CHSY3: variants seen among roughly 807,000 people sequenced by gnomAD.
CHSY3 encodes chondroitin sulfate synthase 3.
CHSY3 carries 35 observed loss-of-function variants against 67.2 expected under a neutral mutation model. That is an observed-to-expected ratio of 0.52 (90% confidence interval 0.40 to 0.69). The LOEUF is 0.69. Ranked by LOEUF, CHSY3 falls within the 30% of genes least tolerant of loss-of-function variation. CHSY3 has a pLI of 0.00. For synonymous variants in CHSY3, 474 were observed against 434.7 expected, an observed-to-expected ratio of 1.09 and a Z score of -1.12; for missense variants, 1,069 against 1,138.5, an observed-to-expected ratio of 0.94 and a Z score of 0.88.
At chr5:129,940,299 T>C (rs1041753375) in intron 2 of CHSY3, among the ~76,000 whole-genome samples, 2 of 152,192 alleles carry the variant, frequency 1.3e-5, no homozygotes, top group African/African-American at 4.8e-5. Context: ...ATTCTGATTA[T>C]TGAGTTAAGA....
intron 2 of CHSY3, chr5:130,052,118 T>C (rs1765379294): frequency 2.0e-5 from 3 of 152,314 alleles, no homozygotes; most frequent in Non-Finnish European, 4.4e-5. Context: ...CACACTGCCA[T>C]AGATGGTCAT....
At chr5:130,115,270 AT>A (rs1310874184) in intron 2 of CHSY3, among the ~76,000 whole-genome samples, 2 of 152,106 alleles carry the variant, frequency 1.3e-5, no homozygotes, top group Non-Finnish European at 2.9e-5. Flanking sequence ...TACAGAGAAC[AT>A]AATCATCTTG....
intron 2 of CHSY3, among the ~76,000 whole-genome samples, chr5:130,124,863 TA>T (rs942730026): frequency 1.2e-4 from 19 of 152,230 alleles, no homozygotes; most frequent in African/African-American, 4.8e-5. Context: ...AAAAAAGAGT[TA>T]AAAAAATGCA....
At chr5:130,085,017 C>A (rs1359429582) in intron 2 of CHSY3, among the ~76,000 whole-genome samples, 1 of 151,952 alleles carries the variant, frequency 6.6e-6, no homozygotes, top group Non-Finnish European at 1.5e-5. Flanking sequence ...CGCTGGTCAG[C>A]TATACCTGAA....
intron 2 of CHSY3, among the ~76,000 whole-genome samples, chr5:130,166,735 T>C (rs894194757): frequency 6.6e-6 from 1 of 152,124 alleles, no homozygotes; most frequent in Non-Finnish European, 1.5e-5. Flanking sequence ...TTATTTTAAT[T>C]GGATGTTTAG....
chr5:130,185,218 G>A lies in CHSY3; in HGVS notation c.2076G>A (p.Lys692=). 2 of 1,609,100 alleles carry A rather than the reference G, an allele frequency of 1.2e-6. No individual in the cohort carries two copies. The highest frequency in any genetic ancestry group is 1.7e-6 in the Non-Finnish European group (2 of 1,175,468). Residue 692 remains lysine, a synonymous_variant, in exon 3 of 3, where the codon AAG becomes AAA. Transcript: ENST00000305031. ...CAGAAATGACCCTGATCCCAATGAA[G>A]GGAGAGTTTTCCAGAGGTCTTGGTC... ...PKAEMTLIPM[K]GEFSRGLGLE...
rs1169761981 is a variant in CHSY3 at position 130,185,354 on chromosome 5, G to A, written c.2212G>A (p.Gly738Arg). ...ACGATGTAGAGACAATACAATTCAG[G>A]GACAACAGGTGTACTATCCCATCAT... is the stretch of plus-strand genomic sequence containing the variant. Reference protein sequence around the residue: ...LQRCRDNTIQGQQVYYPIIFS... With the variant: ...LQRCRDNTIQRQQVYYPIIFS... The change falls in exon 3 of 3, where the codon GGA becomes AGA. Residue 738 changes from glycine to arginine, a missense_variant. By Grantham distance (125) the Gly-to-Arg change is moderately radical. Coordinates refer to ENST00000305031, the MANE Select transcript of CHSY3 (RefSeq NM_175856.5). The A allele has an allele frequency of 1.2e-6, 2 of 1,607,032 alleles. No homozygotes were observed. The highest frequency in any genetic ancestry group is 3.3e-5 in the Admixed American group (2 of 60,014).
intron 2 of CHSY3, among the ~76,000 whole-genome samples, chr5:130,086,096 G>T (rs1355608481): frequency 2.6e-5 from 4 of 152,134 alleles, no homozygotes; most frequent in Admixed American, 6.5e-5. Flanking sequence ...GTTGATTTGG[G>T]GTGGAGAGTT....
chr5:130,034,944 T>A (rs1305713472), intron 2 of CHSY3, among the ~76,000 whole-genome samples: 1 of 152,004 alleles, frequency 6.6e-6, no homozygotes, highest in Non-Finnish European at 1.5e-5. Context: ...GAGATCAATA[T>A]GGCTAGTACA....
Position 130,184,245 on chromosome 5 carries a change from A to C in CHSY3, c.1103A>C (p.His368Pro). The C allele has an allele frequency of 6.5e-7, 1 of 1,542,922 alleles. No homozygotes were observed. Among genetic ancestry groups the C allele is most frequent in the East Asian group, 2.3e-5 (1 of 43,656 alleles). ...ACTTTTCAGATGCAACAACTGTTCC[A>C]TGAAAATTATGAACACAATCGGAAG... The part of the protein sequence containing the change: ...VWSYEMQQLF[H>P]ENYEHNRKGY... The change falls in exon 3 of 3, where the codon CAT becomes CCT. Residue 368 changes from histidine (H) to proline (P), a missense_variant. This residue lies in a region of CHSY3 where 216 missense variants were observed against 311.5 expected (regional missense o/e 0.69). Transcript: ENST00000305031.
intron 2 of CHSY3, among the ~76,000 whole-genome samples, chr5:129,990,502 T>C (rs1417099450): frequency 6.6e-6 from 1 of 152,134 alleles, no homozygotes; most frequent in Non-Finnish European, 1.5e-5. Flanking sequence ...AGAAATTGAA[T>C]ATAAAGCAAT....
intron 2 of CHSY3, among the ~76,000 whole-genome samples, chr5:129,989,579 A>G (rs909253195): frequency 6.6e-6 from 1 of 152,132 alleles, no homozygotes; most frequent in African/African-American, 2.4e-5. Context: ...CAAGTTTCCA[A>G]CATATGAACT....
At chr5:130,014,816 G>C (rs1764170736) in intron 2 of CHSY3, among the ~76,000 whole-genome samples, 1 of 152,062 alleles carries the variant, frequency 6.6e-6, no homozygotes, top group Admixed American at 6.5e-5. Context: ...TCATGACAAA[G>C]ACTCCCAGAG....
At chr5:130,097,341 T>A (rs915771828) in intron 2 of CHSY3, among the ~76,000 whole-genome samples, 19 of 152,214 alleles carry the variant, frequency 1.2e-4, no homozygotes, top group African/African-American at 4.6e-4. Flanking sequence ...GAAGAAAGAC[T>A]TCTACCCTGT....
rs955051295 is a variant in CHSY3, at chr5:130,100,241, G to A, written c.1087-83988G>A. 1.1e-4 allele frequency among the ~76,000 whole-genome samples: 17 copies of A among 152,106 alleles called. 1 individual carries two copies. The highest frequency in any genetic ancestry group is 9.2e-4 in the Admixed American group (14 of 15,278). On this transcript the variant is annotated intron_variant, in intron 2 of 2. Transcript: ENST00000305031. ...CTGTCGCCCAGGCTGGAGTGCAGTC[G>A]CGCGATCTCCGCTCACTGCAAGCTC...
chr5:129,997,409 T>C (rs1407884166), intron 2 of CHSY3, among the ~76,000 whole-genome samples: 3 of 152,166 alleles, frequency 2.0e-5, no homozygotes, highest in Non-Finnish European at 4.4e-5. Flanking sequence ...TGCAATGACA[T>C]GTAAGTCCCC....
At chr5:130,005,633 C>T (rs912693978) in intron 2 of CHSY3, among the ~76,000 whole-genome samples, 5 of 152,060 alleles carry the variant, frequency 3.3e-5, no homozygotes, top group African/African-American at 1.2e-4. Context: ...CATTTTAAAT[C>T]TGTGGGTGAT....
intron 2 of CHSY3, among the ~76,000 whole-genome samples, chr5:130,091,754 T>G (rs1766887991): frequency 6.6e-6 from 1 of 152,158 alleles, no homozygotes; most frequent in Non-Finnish European, 1.5e-5. Flanking sequence ...GAAATGGCAT[T>G]TTAAAAAACT....
chr5:129,949,926 G>A (rs572647930), intron 2 of CHSY3, among the ~76,000 whole-genome samples: 231 of 152,208 alleles, frequency 1.5e-3, no homozygotes, highest in Non-Finnish European at 2.6e-3. Context: ...CACTTTGGGA[G>A]GCTGAGGGGG....
Sources: allele counts gnomAD v4.1 joint callset (sites outside exome capture counted in the v4.1 genomes callset), GRCh38; gene constraint gnomAD v4.1.1; regional missense constraint gnomAD v4.1.1; transcripts MANE v1.5; gene names NCBI Gene and HGNC (gene_info 2026-07-23, HGNC 2026-07-21).